The following AGBL4 variants were observed in gnomAD, a reference collection of about 807,000 sequenced individuals.
The protein encoded by AGBL4 is cytosolic carboxypeptidase 6.
In AGBL4, 58 loss-of-function variants were observed where a neutral mutation model predicts 66.4. The ratio of observed to expected loss-of-function variants is 0.87; its 90% confidence interval spans 0.71 to 1.09. The LOEUF is 1.09. AGBL4 is among the 50% of genes least tolerant of loss of function. AGBL4 has a pLI of 0.00. For missense variants in AGBL4, 579 were observed against 631.0 expected (o/e 0.92, Z 0.88); for synonymous variants, 234 against 222.9 (o/e 1.05, Z -0.44).
chr1:48,656,483 A>C (rs1170160235), intron 7 of AGBL4, among the ~76,000 whole-genome samples: 1 of 152,208 alleles, frequency 6.6e-6, no homozygotes, highest in Non-Finnish European at 1.5e-5. Context: ...AGGGGTGCAC[A>C]GTAAGGAAGC....
chr1:49,731,396 G>A (rs146795475), intron 2 of AGBL4, among the ~76,000 whole-genome samples: 1 of 152,162 alleles, frequency 6.6e-6, no homozygotes, highest in African/African-American at 2.4e-5. Context: ...ATAAAGCACT[G>A]TACAAAGGCT....
intron 2 of AGBL4, among the ~76,000 whole-genome samples, chr1:49,786,789 G>GA (rs1253615199): frequency 6.6e-6 from 1 of 151,658 alleles, no homozygotes; most frequent in Non-Finnish European, 1.5e-5. Flanking sequence ...TAGGTATCAA[G>GA]AAAAAAAACA....
At chr1:49,079,467 C>T (rs1363738978) in intron 4 of AGBL4, among the ~76,000 whole-genome samples, 1 of 152,140 alleles carries the variant, frequency 6.6e-6, no homozygotes, top group African/African-American at 2.4e-5. Context: ...AGGAGGAACA[C>T]TATGAAACCA....
At chr1:49,437,495 A>G (rs1292341508) in intron 3 of AGBL4, among the ~76,000 whole-genome samples, 2 of 152,156 alleles carry the variant, frequency 1.3e-5, no homozygotes, top group Admixed American at 1.3e-4. Context: ...GAAAACCATT[A>G]TTTGTATTCT....
intron 2 of AGBL4, among the ~76,000 whole-genome samples, chr1:49,794,341 C>A (rs1190875925): frequency 1.3e-5 from 2 of 151,850 alleles, no homozygotes; most frequent in African/African-American, 2.4e-5. Context: ...GATCTTCTCA[C>A]AAAGAAGACA....
At chr1:49,144,240 G>A (rs963574053) in intron 4 of AGBL4, among the ~76,000 whole-genome samples, 10 of 151,938 alleles carry the variant, frequency 6.6e-5, no homozygotes, top group Non-Finnish European at 1.3e-4. Context: ...ATCAGTGGTC[G>A]CCAGGTACTA....
At chr1:49,452,049 T>C (rs1001072496) in intron 3 of AGBL4, among the ~76,000 whole-genome samples, 8 of 152,040 alleles carry the variant, frequency 5.3e-5, no homozygotes, top group Non-Finnish European at 1.2e-4. Flanking sequence ...TGGATTCCAG[T>C]TGGTCCAGTT....
At chr1:49,177,339 C>T (rs1646850680) in intron 4 of AGBL4, among the ~76,000 whole-genome samples, 2 of 152,288 alleles carry the variant, frequency 1.3e-5, no homozygotes, top group Middle Eastern at 3.4e-3. Context: ...TTACTATTTT[C>T]CTTACCATCT....
chr1:48,782,546 G>C (rs1157943186), intron 6 of AGBL4, among the ~76,000 whole-genome samples: 1 of 152,078 alleles, frequency 6.6e-6, no homozygotes, highest in Non-Finnish European at 1.5e-5. Context: ...TCATGATTTT[G>C]CCTTTTTTCC....
chr1:48,961,399 G>A (rs1382433375), intron 5 of AGBL4, among the ~76,000 whole-genome samples: 1 of 152,152 alleles, frequency 6.6e-6, no homozygotes, highest in East Asian at 1.9e-4. Flanking sequence ...CTTGACCCAA[G>A]CAATTGATTT....
At chr1:48,793,403 A>G (rs1645597029) in intron 6 of AGBL4, among the ~76,000 whole-genome samples, 1 of 152,168 alleles carries the variant, frequency 6.6e-6, no homozygotes, top group Non-Finnish European at 1.5e-5. Flanking sequence ...GAAAAAAATC[A>G]CCTAAGAGAC....
At position 48,822,580 on chromosome 1, in the gene AGBL4, T is replaced by C. The variant is rs150387411; in HGVS notation, c.634+44611A>G. ...GGGTAGAACTCTCTACTCTGCTCTATTGATCTAAATGTATATGTCTTTGTC... is the reference window on the plus strand; with the variant it reads ...GGGTAGAACTCTCTACTCTGCTCTACTGATCTAAATGTATATGTCTTTGTC... On this transcript the variant is annotated intron_variant, in intron 6 of 13. Transcript: ENST00000371839. 5.1e-4 allele frequency among the ~76,000 whole-genome samples: 77 copies of C among 152,390 alleles called. 1 individual carries two copies. The South Asian group carries it at 0.01, about 20-fold the overall frequency.
At chr1:49,948,598 G>C (rs1347001877) in intron 1 of AGBL4, among the ~76,000 whole-genome samples, 2 of 140,902 alleles carry the variant, frequency 1.4e-5, no homozygotes. Context: ...GAGAGAGAGA[G>C]AGAGAGAGAT....
intron 2 of AGBL4, among the ~76,000 whole-genome samples, chr1:49,794,308 CG>C (rs1289794505): frequency 6.6e-6 from 1 of 151,722 alleles, no homozygotes; most frequent in Non-Finnish European, 1.5e-5. Flanking sequence ...AAATTGAAAA[CG>C]GATTTAAGTT....
intron 4 of AGBL4, among the ~76,000 whole-genome samples, chr1:49,190,755 G>A (rs1003480758): frequency 3.3e-5 from 5 of 152,130 alleles, no homozygotes; most frequent in African/African-American, 1.2e-4. Context: ...TGTACAGGAA[G>A]GACAGGCTCA....
intron 6 of AGBL4, among the ~76,000 whole-genome samples, chr1:48,762,867 C>T (rs1371946753): frequency 6.6e-6 from 1 of 151,930 alleles, no homozygotes; most frequent in East Asian, 1.9e-4. Flanking sequence ...AAGTGTGAAC[C>T]TCAGCTTTTC....
At position 49,912,516 on chromosome 1, in the gene AGBL4, C is replaced by G. The variant is rs181952818; in HGVS notation, c.35-60998G>C. On this transcript the variant is annotated intron_variant, in intron 1 of 13. Transcript: ENST00000371839. The stretch of plus-strand genomic sequence containing the variant: ...AGCTCATTTAATCTTCGCAACAACC[C>G]TATGAGCTACATATTCCCATTTTAT... Among the ~76,000 whole-genome samples, 60 of 152,328 alleles carry G rather than the reference C, an allele frequency of 3.9e-4. 1 individual carries two copies. The highest frequency in any genetic ancestry group is 3.9e-3 in the Admixed American group (60 of 15,302).
chr1:49,417,677 T>C (rs1010530212), intron 3 of AGBL4, among the ~76,000 whole-genome samples: 3 of 152,148 alleles, frequency 2.0e-5, no homozygotes, highest in Non-Finnish European at 2.9e-5. Context: ...TCATAATGTG[T>C]CCCATTCTTC....
At chr1:49,887,067 G>T (rs530507117) in intron 1 of AGBL4, among the ~76,000 whole-genome samples, 2 of 151,568 alleles carry the variant, frequency 1.3e-5, no homozygotes, top group Admixed American at 1.3e-4. Flanking sequence ...TAAGACTTAG[G>T]ATATCCTTCA....
Sources: allele counts gnomAD v4.1 joint callset (sites outside exome capture counted in the v4.1 genomes callset), GRCh38; gene constraint gnomAD v4.1.1; transcripts MANE v1.5; gene names NCBI Gene and HGNC (gene_info 2026-07-23, HGNC 2026-07-21).